The following GPAM variants were observed in gnomAD, a reference collection of about 807,000 sequenced individuals.
GPAM encodes the protein glycerol-3-phosphate acyltransferase, mitochondrial.
GPAM carries 56 observed loss-of-function variants against 105.0 expected under a neutral mutation model. The observed-to-expected ratio is 0.53, with a 90% CI of 0.43 to 0.67. The LOEUF is 0.67. GPAM is among the 30% of genes least tolerant of loss of function. The pLI is 0.00. For missense variants in GPAM, 855 were observed against 989.8 expected (o/e 0.86, Z 1.83); for synonymous variants, 368 against 354.4 (o/e 1.04, Z -0.43).
intron 1 of GPAM, among the ~76,000 whole-genome samples, chr10:112,189,858 T>C (rs1256635719): frequency 1.3e-5 from 2 of 152,208 alleles, no homozygotes; most frequent in Non-Finnish European, 2.9e-5. Context: ...GTGTAAGCCA[T>C]TACAATGTTG....
rs1464259484 is a variant in GPAM at position 112,200,240 on chromosome 10, T to TAG, written n.210+14927_210+14928insCT. On this transcript the variant is annotated intron_variant and non_coding_transcript_variant, in intron 1 of 3. Coordinates refer to the GPAM transcript ENST00000480130. ...TCCACACTATATGTATATATATATA[T>TAG]ATATAGAGAGAGAGAGAGAGAGAGA... Among the ~76,000 whole-genome samples the TAG allele has an allele frequency of 5.0e-3, 652 of 129,392 alleles. 5 individuals carry two copies. The highest frequency in any genetic ancestry group is 0.011 in the East Asian group (44 of 3,976). 84.9% of individuals were successfully genotyped at this position (129,392 alleles called of 152,430 possible).
intron 1 of GPAM, among the ~76,000 whole-genome samples, chr10:112,196,613 G>A (rs574218453): frequency 8.5e-5 from 13 of 152,284 alleles, no homozygotes; most frequent in African/African-American, 3.1e-4. Flanking sequence ...AGCATAGCAG[G>A]ATTGGTTATG....
chr10:112,195,107 C>T (rs572257953), intron 1 of GPAM, among the ~76,000 whole-genome samples: 4 of 152,028 alleles, frequency 2.6e-5, no homozygotes, highest in Admixed American at 2.6e-4. Flanking sequence ...TCAGCCAGAC[C>T]GAGCATTTGA....
chr10:112,180,721 T>C, intron 3 of GPAM, 126 bp from the exon 4 acceptor site: 1 of 824,510 alleles, frequency 1.2e-6, no homozygotes, highest in South Asian at 1.5e-5. Context: ...GATTTTCATT[T>C]AAGTACTCCC....
chr10:112,151,730 C>T lies in GPAM; in HGVS notation c.*1820G>A. On this transcript the variant is annotated 3_prime_UTR_variant, in exon 22 of 22. Transcript: ENST00000348367. ...GTGAGCTTGAGTAATCCTTAATTTACAATTTAAAGGATGAAAAAAAGAGAC... is the reference window on the plus strand; with the variant it reads ...GTGAGCTTGAGTAATCCTTAATTTATAATTTAAAGGATGAAAAAAAGAGAC... 1 of 985,104 alleles carries T rather than the reference C, an allele frequency of 1.0e-6. No homozygotes were observed. Among genetic ancestry groups the T allele is most frequent in the Non-Finnish European group, 1.2e-6 (1 of 829,744 alleles). The allele number at this position is 985,104 out of a possible 1,614,324, so 61.0% of individuals were successfully genotyped here.
chr10:112,190,513 A>AC (rs755752462), intron 1 of GPAM, among the ~76,000 whole-genome samples: 18,127 of 150,876 alleles, frequency 0.12, 1,173 homozygotes, highest in South Asian at 0.2. Context: ...AAAAAAAAAA[A>AC]AGAAAAGAAA....
At position 112,151,539 on chromosome 10, in the gene GPAM, C is replaced by T. The variant is rs1425736332; in HGVS notation, c.*2011G>A. ...AGCTAGCAAATCATACATTGCATTC[C>T]CCAAAGCATCTGAACGTACTTCTAG... On this transcript the variant is annotated 3_prime_UTR_variant, in exon 22 of 22. Coordinates refer to ENST00000348367, the MANE Select transcript of GPAM (RefSeq NM_001244949.2). 7 of 985,624 alleles carry T rather than the reference C, an allele frequency of 7.1e-6. No homozygotes were observed. In the Middle Eastern group the frequency reaches 1.6e-3, roughly 221 times the overall value. The allele number at this position is 985,624 out of a possible 1,614,324, so 61.1% of individuals were successfully genotyped here. A position where few individuals can be genotyped will look rare whatever the true frequency, so the allele number is the denominator to read the frequency against.
Position 112,168,964 on chromosome 10 carries a change from G to C in GPAM, c.795-12C>G. The C allele has an allele frequency of 7.0e-7, 1 of 1,427,704 alleles. No homozygotes were observed. The highest frequency in any genetic ancestry group is 9.9e-7 in the Non-Finnish European group (1 of 1,010,128). The allele number at this position is 1,427,704 out of a possible 1,614,324, so 88.4% of individuals were successfully genotyped here. A position where few individuals can be genotyped will look rare whatever the true frequency, so the allele number is the denominator to read the frequency against. On this transcript the variant is annotated splice_polypyrimidine_tract_variant and intron_variant, in intron 9 of 21. Transcript: ENST00000348367. ...TATGGATCAAGGTACTATAAATTCA[G>C]AATACATGAATTATTTACAAAGAAA... is the stretch of plus-strand genomic sequence containing the variant.
At chr10:112,165,960 C>T (rs1847208772) in intron 12 of GPAM, among the ~76,000 whole-genome samples, 3 of 151,874 alleles carry the variant, frequency 2.0e-5, no homozygotes, top group African/African-American at 7.3e-5. Context: ...ATGATAAAAT[C>T]AGGGTAATTG....
chr10:112,226,140 T>C, the GPAM span, among the ~76,000 whole-genome samples: 1 of 152,160 alleles, frequency 6.6e-6, no homozygotes, highest in Non-Finnish European at 1.5e-5. Context: ...TGCAATGTAG[T>C]TTAGCACATA....
At chr10:112,223,225 C>T in the GPAM span, among the ~76,000 whole-genome samples, 5 of 152,106 alleles carry the variant, frequency 3.3e-5, no homozygotes, top group African/African-American at 1.2e-4. Context: ...TTCCTTTCAC[C>T]CTTCATAAAC....
rs944126759 is a variant in GPAM, at chr10:112,178,476, A to G, written c.226-419T>C. On this transcript the variant is annotated intron_variant, in intron 4 of 21. Coordinates refer to ENST00000348367, the MANE Select transcript of GPAM (RefSeq NM_001244949.2). ...GAGGCAGGAGAATTGCTTGAACCTA[A>G]GAGACGGAGGTTGCAGTGAGCCAAC... 2.0e-5 allele frequency among the ~76,000 whole-genome samples: 3 copies of G among 152,140 alleles called. No homozygotes were observed. In the South Asian group the frequency reaches 6.2e-4, roughly 32 times the overall value.
At chr10:112,181,437 G>A (rs908275587) in intron 3 of GPAM, among the ~76,000 whole-genome samples, 1 of 151,774 alleles carries the variant, frequency 6.6e-6, no homozygotes, top group African/African-American at 2.4e-5. Flanking sequence ...CTACTACTAG[G>A]GTTTTTTTCC....
chr10:112,172,904 C>T lies in GPAM; in HGVS notation c.657+66G>A, dbSNP rs1206701765. The stretch of plus-strand genomic sequence containing the variant: ...CACAGTACACAAGAAAACATTTCCA[C>T]AAGAACCCTAAAACCACTCTACAAT... On this transcript the variant is annotated intron_variant, in intron 8 of 21. Coordinates refer to ENST00000348367, the MANE Select transcript of GPAM (RefSeq NM_001244949.2). 30 of 876,058 alleles carry T rather than the reference C, an allele frequency of 3.4e-5. No individual in the cohort carries two copies. In the Admixed American group the frequency reaches 4.4e-4, roughly 13 times the overall value. 54.3% of individuals were successfully genotyped at this position (876,058 alleles called of 1,614,324 possible).
chr10:112,212,723 T>G (rs1046177092), intron 1 of GPAM, among the ~76,000 whole-genome samples: 2 of 152,152 alleles, frequency 1.3e-5, no homozygotes, highest in African/African-American at 2.4e-5. Context: ...TTGGGCATAT[T>G]CCTTATGCTC....
chr10:112,193,721 G>A (rs374441091), intron 1 of GPAM, among the ~76,000 whole-genome samples: 14 of 152,192 alleles, frequency 9.2e-5, no homozygotes, highest in Non-Finnish European at 1.9e-4. Context: ...TTAGAGCTGC[G>A]CTAGCAGATC....
intron 1 of GPAM, among the ~76,000 whole-genome samples, chr10:112,212,814 A>C (rs1283452336): frequency 6.6e-6 from 1 of 152,208 alleles, no homozygotes. Context: ...GAGATCAGCC[A>C]GGGCAAAGCA....
intron 1 of GPAM, among the ~76,000 whole-genome samples, chr10:112,190,661 G>T (rs949178529): frequency 3.9e-5 from 6 of 152,276 alleles, no homozygotes; most frequent in East Asian, 1.9e-4. Flanking sequence ...AATAAGAGAT[G>T]TTAGAGGATG....
At chr10:112,191,615 T>A (rs1263613311) in intron 1 of GPAM, among the ~76,000 whole-genome samples, 1 of 152,220 alleles carries the variant, frequency 6.6e-6, no homozygotes, top group Non-Finnish European at 1.5e-5. Flanking sequence ...TCCTAAGACC[T>A]GGAAGTAGGC....
Sources: gnomAD v4.1 joint callset for allele counts (sites outside exome capture counted in the v4.1 genomes callset) on GRCh38, gnomAD v4.1.1 for gene constraint, MANE v1.5 for transcripts, NCBI Gene and HGNC (gene_info 2026-07-23, HGNC 2026-07-21) for gene names.